ZNF385D: variants seen among roughly 807,000 people sequenced by gnomAD.
ZNF385D encodes the protein zinc finger protein 385D, also known as zinc finger protein 659.
ZNF385D carries 15 observed loss-of-function variants against 35.8 expected under a neutral mutation model. The observed-to-expected ratio is 0.42, with a 90% confidence interval of 0.28 to 0.64. The LOEUF is 0.64. ZNF385D is among the 30% of genes least tolerant of loss of function. The pLI, the probability that ZNF385D is intolerant of heterozygous loss-of-function variation, is 0.23. For synonymous variants in ZNF385D, 212 were observed against 186.8 expected (o/e 1.13, Z -1.10); for missense variants, 474 against 494.6 (o/e 0.96, Z 0.39).
chr3:21,531,379 G>A (rs1285645089), intron 3 of ZNF385D, among the ~76,000 whole-genome samples: 5 of 152,122 alleles, frequency 3.3e-5, no homozygotes, highest in Admixed American at 6.5e-5. Flanking sequence ...TACTCTTACC[G>A]TATAAGGCAG....
intron 3 of ZNF385D, among the ~76,000 whole-genome samples, chr3:21,556,068 G>GTT (rs148079775): frequency 3.7e-3 from 361 of 98,900 alleles, no homozygotes; most frequent in African/African-American, 6.9e-3. Flanking sequence ...TTTTGTTTTT[G>GTT]TTTTTTTTTT....
chr3:22,261,400 T>C (rs1460701655), intron 2 of ZNF385D, among the ~76,000 whole-genome samples: 2 of 152,030 alleles, frequency 1.3e-5, no homozygotes, highest in African/African-American at 4.8e-5. Flanking sequence ...TTGAATTAGC[T>C]TGGTAAGGCT....
At chr3:21,900,094 C>T (rs1699325092) in intron 3 of ZNF385D, among the ~76,000 whole-genome samples, 1 of 152,062 alleles carries the variant, frequency 6.6e-6, no homozygotes, top group South Asian at 2.1e-4. Flanking sequence ...ACAAGAAACA[C>T]AAATTGCTAG....
chr3:22,034,809 T>A (rs1698211755), intron 3 of ZNF385D, among the ~76,000 whole-genome samples: 1 of 152,116 alleles, frequency 6.6e-6, no homozygotes, highest in African/African-American at 2.4e-5. Flanking sequence ...GAGAAAATAT[T>A]TTACATTTTA....
intron 3 of ZNF385D, among the ~76,000 whole-genome samples, chr3:21,839,480 C>A (rs781620631): frequency 5.9e-5 from 9 of 152,054 alleles, no homozygotes; most frequent in Non-Finnish European, 1.2e-4. Context: ...TTCCAAGGTA[C>A]AATTAAAAGC....
chr3:22,035,940 T>C (rs533767509), intron 3 of ZNF385D, among the ~76,000 whole-genome samples: 2 of 152,128 alleles, frequency 1.3e-5, no homozygotes, highest in East Asian at 1.9e-4. Flanking sequence ...AGTTTTTTTT[T>C]CCAAGATAAA....
chr3:21,866,792 A>G (rs1559705133), intron 3 of ZNF385D, among the ~76,000 whole-genome samples: 1 of 152,170 alleles, frequency 6.6e-6, no homozygotes, highest in East Asian at 1.9e-4. Context: ...TTTTATCAAT[A>G]TATTCTTTAA....
At chr3:21,804,100 C>A (rs1472383583) in intron 3 of ZNF385D, among the ~76,000 whole-genome samples, 2 of 152,014 alleles carry the variant, frequency 1.3e-5, no homozygotes, top group Non-Finnish European at 2.9e-5. Flanking sequence ...ATCAGTGCTG[C>A]CACAAGGAAA....
chr3:21,800,493 C>T (rs1357632889), intron 3 of ZNF385D, among the ~76,000 whole-genome samples: 1 of 152,060 alleles, frequency 6.6e-6, no homozygotes, highest in Non-Finnish European at 1.5e-5. Flanking sequence ...TTCCTAAAAG[C>T]TGGTCATACT....
intron 2 of ZNF385D, among the ~76,000 whole-genome samples, chr3:22,186,418 G>A (rs1232554526): frequency 6.6e-6 from 1 of 152,178 alleles, no homozygotes; most frequent in Non-Finnish European, 1.5e-5. Flanking sequence ...ACCTGGGTTT[G>A]TTAAAGCACT....
At chr3:22,337,268 A>T (rs1389499378) in intron 2 of ZNF385D, among the ~76,000 whole-genome samples, 1 of 152,244 alleles carries the variant, frequency 6.6e-6, no homozygotes, top group African/African-American at 2.4e-5. Context: ...GTGGCATCTC[A>T]CGTCTGTAAT....
intron 3 of ZNF385D, among the ~76,000 whole-genome samples, chr3:21,814,297 T>A (rs895862804): frequency 4.6e-5 from 7 of 152,152 alleles, no homozygotes; most frequent in Non-Finnish European, 8.8e-5. Context: ...TCAACTAACG[T>A]GCAAAATAAC....
chr3:21,850,719 T>C (rs970029841), intron 3 of ZNF385D, among the ~76,000 whole-genome samples: 11 of 152,056 alleles, frequency 7.2e-5, no homozygotes, highest in African/African-American at 2.4e-4. Flanking sequence ...GGGAGAAACA[T>C]TGTTGAACAC....
intron 3 of ZNF385D, among the ~76,000 whole-genome samples, chr3:21,769,876 T>C (rs565880269): frequency 3.4e-4 from 51 of 151,430 alleles, no homozygotes; most frequent in Middle Eastern, 3.4e-3. Context: ...ATGGTACTGG[T>C]ACCAAAACAG....
At chr3:21,708,816 T>C (rs13088675) in intron 1 of ZNF385D, among the ~76,000 whole-genome samples, 1 of 152,014 alleles carries the variant, frequency 6.6e-6, no homozygotes, top group African/African-American at 2.4e-5. Context: ...TCTAAATCTG[T>C]TTAATTAAGC....
chr3:21,692,779 G>T (rs1403560797), intron 1 of ZNF385D, among the ~76,000 whole-genome samples: 1 of 152,168 alleles, frequency 6.6e-6, no homozygotes, highest in African/African-American at 2.4e-5. Flanking sequence ...GCTTAGGTCA[G>T]AAGTTGCCTT....
intron 3 of ZNF385D, among the ~76,000 whole-genome samples, chr3:21,812,205 T>G (rs1336233550): frequency 6.6e-6 from 1 of 152,178 alleles, no homozygotes; most frequent in Non-Finnish European, 1.5e-5. Flanking sequence ...GATTAAATAT[T>G]CCTTTAAAAG....
At chr3:21,631,505 A>T (rs572397381) in intron 2 of ZNF385D, among the ~76,000 whole-genome samples, 9 of 152,286 alleles carry the variant, frequency 5.9e-5, no homozygotes, top group African/African-American at 2.2e-4. Flanking sequence ...ACCATCTTCA[A>T]TATCAAGAAG....
intron 3 of ZNF385D, among the ~76,000 whole-genome samples, chr3:21,836,241 CAT>C (rs1559674409): frequency 6.6e-6 from 1 of 152,074 alleles, no homozygotes; most frequent in African/African-American, 2.4e-5. Flanking sequence ...AAGAGAAAAA[CAT>C]AAATATGGAG....
Sources: gnomAD v4.1 joint callset for allele counts (sites outside exome capture counted in the v4.1 genomes callset) on GRCh38, gnomAD v4.1.1 for gene constraint, MANE v1.5 for transcripts, NCBI Gene and HGNC (gene_info 2026-07-23, HGNC 2026-07-21) for gene names.